The following EPB41L5 variants were observed in gnomAD, a reference collection of about 807,000 sequenced individuals.
EPB41L5 encodes the protein band 4.1-like protein 5.
Under a neutral mutation model 106.6 loss-of-function variants are expected in EPB41L5, and 55 were observed. The ratio of observed to expected loss-of-function variants is 0.52; its 90% CI spans 0.42 to 0.65. EPB41L5 has a LOEUF of 0.65. EPB41L5 is among the 30% of genes least tolerant of loss of function. The pLI, the probability that EPB41L5 is intolerant of heterozygous loss-of-function variation, is 0.00. For synonymous variants in EPB41L5, 297 were observed against 306.7 expected (o/e 0.97, Z 0.33); for missense variants, 871 against 882.1 (o/e 0.99, Z 0.16).
chr2:120,131,236 G>T (rs1685672255), intron 17 of EPB41L5, among the ~76,000 whole-genome samples: 2 of 152,172 alleles, frequency 1.3e-5, no homozygotes, highest in South Asian at 4.1e-4. Context: ...GAACAAAGAT[G>T]GCAAAGTGTT....
intron 10 of EPB41L5, among the ~76,000 whole-genome samples, chr2:120,080,563 A>G (rs1048396165): frequency 5.3e-5 from 8 of 152,148 alleles, no homozygotes; most frequent in Non-Finnish European, 1.2e-4. Flanking sequence ...TGCCGCAGTA[A>G]ACATACGTGT....
chr2:120,035,499 G>A (rs947115416), intron 2 of EPB41L5, among the ~76,000 whole-genome samples: 1 of 152,070 alleles, frequency 6.6e-6, no homozygotes, highest in African/African-American at 2.4e-5. Context: ...CATAGTAAGC[G>A]CTCTATTAAT....
chr2:120,035,218 T>C (rs950781322), intron 2 of EPB41L5, among the ~76,000 whole-genome samples: 2 of 152,182 alleles, frequency 1.3e-5, no homozygotes, highest in Admixed American at 1.3e-4. Context: ...GCTAGCATAA[T>C]ATTTTCTTCC....
Position 120,042,008 on chromosome 2 carries a change from A to G in EPB41L5, c.183A>G (p.Lys61=), listed in dbSNP as rs144008333. The part of the protein sequence containing the change: ...DGTDVSVDLP[K]KAKGQELFDQ... ...TACTTATTATCTTGCCATTTCAGAA[A>G]AAAGCCAAAGGACAAGAGTTGTTTG... The change falls in exon 3 of 25, where the codon AAA becomes AAG. Residue 61 remains lysine (K), a splice_region_variant and synonymous_variant. Transcript: ENST00000263713. The G allele has an allele frequency of 5.6e-6, 9 of 1,609,012 alleles. No homozygotes were observed. Among genetic ancestry groups the G allele is most frequent in the Admixed American group, 5.0e-5 (3 of 59,428 alleles).
At chr2:120,098,508 T>C (rs1683920736) in intron 14 of EPB41L5, among the ~76,000 whole-genome samples, 1 of 152,148 alleles carries the variant, frequency 6.6e-6, no homozygotes, top group South Asian at 2.1e-4. Flanking sequence ...CCACCATGCC[T>C]CACCAATAGT....
Position 120,076,996 on chromosome 2 carries a change from T to C in EPB41L5, c.531T>C (p.Ala177=). ...CTGAACTTGGTGACTATGATCTTGCTGAGCATAGTCCTGAACTTGTCTCAG... is the reference window on the plus strand; with the variant it reads ...CTGAACTTGGTGACTATGATCTTGCCGAGCATAGTCCTGAACTTGTCTCAG... ...LQAELGDYDL[A]EHSPELVSEF... is the part of the protein sequence containing the mutation. The change falls in exon 8 of 25, where the codon GCT becomes GCC. Residue 177 remains alanine (A), a synonymous_variant. Coordinates refer to ENST00000263713, the MANE Select transcript of EPB41L5 (RefSeq NM_020909.4). The C allele has an allele frequency of 6.2e-7, 1 of 1,607,308 alleles. No homozygotes were observed. Among genetic ancestry groups the C allele is most frequent in the Non-Finnish European group, 8.5e-7 (1 of 1,176,778 alleles).
intron 22 of EPB41L5, among the ~76,000 whole-genome samples, chr2:120,165,434 T>C (rs1687350386): frequency 6.6e-6 from 1 of 152,354 alleles, no homozygotes; most frequent in South Asian, 2.1e-4. Flanking sequence ...ATATTTTAAA[T>C]AATCTAGCTT....
rs113386448 is a variant in EPB41L5, at chr2:120,119,868, A to G, written c.1338-7820A>G. On this transcript the variant is annotated intron_variant, in intron 16 of 24. Coordinates refer to ENST00000263713, the MANE Select transcript of EPB41L5 (RefSeq NM_020909.4). ...TTCTTTGGGCAAAAGCACTTGCATG[A>G]TTTTCAGCTCAATATAATTTACATA... 6.4e-3 allele frequency among the ~76,000 whole-genome samples: 973 copies of G among 152,328 alleles called. 15 individuals are homozygous for G. The highest frequency in any genetic ancestry group is 0.021 in the African/African-American group (865 of 41,588).
rs1574747773 is a variant in EPB41L5 at position 120,142,965 on chromosome 2, C to A, written c.1600-38C>A. The stretch of plus-strand genomic sequence containing the variant: ...TTCCTATTTCCATATAACTATAGTG[C>A]ATCAGAGTTGATTATAGTATATTTT... On this transcript the variant is annotated intron_variant, in intron 18 of 24. Transcript: ENST00000263713. The A allele has an allele frequency of 1.9e-6, 3 of 1,553,836 alleles. No individual in the cohort carries two copies. In the East Asian group the frequency reaches 6.8e-5, roughly 35 times the overall value.
At chr2:120,157,787 A>T (rs1686964134) in intron 20 of EPB41L5, among the ~76,000 whole-genome samples, 1 of 150,632 alleles carries the variant, frequency 6.6e-6, no homozygotes, top group Admixed American at 6.6e-5. Flanking sequence ...AAAAAAAAAA[A>T]TCCAAAAAAA....
At position 120,132,922 on chromosome 2, in the gene EPB41L5, C is replaced by T. The variant is rs886658756; in HGVS notation, c.1599+1207C>T. On this transcript the variant is annotated intron_variant, in intron 18 of 24. Coordinates refer to ENST00000263713, the MANE Select transcript of EPB41L5 (RefSeq NM_020909.4). ...GGCTGTGCTCAGAGTTCATGGAAAT[C>T]TATTGAACAGCTACTTGTTTCTTTG... is the stretch of plus-strand genomic sequence containing the variant. 2.6e-5 allele frequency among the ~76,000 whole-genome samples: 4 copies of T among 152,218 alleles called. No individual in the cohort carries two copies. In the South Asian group the frequency reaches 8.3e-4, roughly 32 times the overall value.
intron 2 of EPB41L5, among the ~76,000 whole-genome samples, chr2:120,040,414 G>A (rs976357404): frequency 1.3e-5 from 2 of 152,188 alleles, no homozygotes; most frequent in Non-Finnish European, 2.9e-5. Flanking sequence ...TTTTGAGTAT[G>A]GAGAAAGTAT....
At chr2:120,162,629 A>G (rs1338341423) in intron 21 of EPB41L5, among the ~76,000 whole-genome samples, 1 of 152,242 alleles carries the variant, frequency 6.6e-6, no homozygotes, top group African/African-American at 2.4e-5. Context: ...GCAGAACCTG[A>G]GATGTTTTTG....
At position 120,029,909 on chromosome 2, in the gene EPB41L5, C is replaced by T. The variant is rs539673583; in HGVS notation, c.180+10645C>T. Among the ~76,000 whole-genome samples the T allele has an allele frequency of 1.8e-3, 279 of 152,318 alleles. 5 individuals carry two copies. Among genetic ancestry groups the T allele is most frequent in the African/African-American group, 6.3e-3 (261 of 41,576 alleles). ...CAGCTCCTATTCCCACGATGCCCGTCAGCAGGAAGAAGCCAGAGTTATTGA... is the reference window on the plus strand; with the variant it reads ...CAGCTCCTATTCCCACGATGCCCGTTAGCAGGAAGAAGCCAGAGTTATTGA... On this transcript the variant is annotated intron_variant, in intron 2 of 24. Transcript: ENST00000263713.
intron 10 of EPB41L5, among the ~76,000 whole-genome samples, chr2:120,086,755 A>G (rs1683083864): frequency 6.6e-6 from 1 of 152,136 alleles, no homozygotes; most frequent in African/African-American, 2.4e-5. Flanking sequence ...AAACAAAAAG[A>G]GTTGAAAACC....
intron 20 of EPB41L5, among the ~76,000 whole-genome samples, chr2:120,154,762 T>A (rs1472490333): frequency 6.6e-6 from 1 of 151,850 alleles, no homozygotes; most frequent in Non-Finnish European, 1.5e-5. Flanking sequence ...CCGTCTCTGC[T>A]AAAAATACAA....
At chr2:120,082,695 T>C (rs1455358156) in intron 10 of EPB41L5, among the ~76,000 whole-genome samples, 3 of 152,192 alleles carry the variant, frequency 2.0e-5, no homozygotes, top group Admixed American at 6.5e-5. Context: ...AGCTCCTCCT[T>C]GTACCTCTGG....
chr2:120,097,069 AATAT>A (rs1010590047), intron 14 of EPB41L5, among the ~76,000 whole-genome samples: 11 of 152,208 alleles, frequency 7.2e-5, no homozygotes, highest in African/African-American at 2.7e-4. Flanking sequence ...GTAAAATATG[AATAT>A]ATATAGTGCC....
rs1220466558 is a variant in EPB41L5 at position 120,146,260 on chromosome 2, T to C, written c.1764T>C (p.Asn588=). ...TKEDSLLSHK[N]ANVQDAATNS... Reference sequence around the variant, plus strand: ...AAGATAGCTTATTAAGTCATAAAAATGCCAATGTTCAGGATGCTGCCACAA... The same window carrying C: ...AAGATAGCTTATTAAGTCATAAAAACGCCAATGTTCAGGATGCTGCCACAA... The change falls in exon 20 of 25, where the codon AAT becomes AAC. Residue 588 remains asparagine (N), a synonymous_variant. Coordinates refer to ENST00000263713, the MANE Select transcript of EPB41L5 (RefSeq NM_020909.4). The C allele has an allele frequency of 6.2e-7, 1 of 1,610,212 alleles. No individual in the cohort carries two copies. Among genetic ancestry groups the C allele is most frequent in the South Asian group, 1.1e-5 (1 of 90,938 alleles).
Sources: allele counts gnomAD v4.1 joint callset (sites outside exome capture counted in the v4.1 genomes callset), GRCh38; gene constraint gnomAD v4.1.1; transcripts MANE v1.5; gene names NCBI Gene and HGNC (gene_info 2026-07-23, HGNC 2026-07-21).